Variants in HTR2C observed in about 807,000 individuals in gnomAD.
HTR2C encodes the protein 5-hydroxytryptamine (serotonin) receptor 2C, G protein-coupled.
A neutral mutation model predicts 21.0 loss-of-function variants in HTR2C; 5 were observed. The ratio of observed to expected loss-of-function variants is 0.24; its 90% CI spans 0.12 to 0.50. HTR2C has a LOEUF of 0.50. Among genes scored for constraint, HTR2C ranks in the 20% least tolerant of loss-of-function variants. The probability of loss-of-function intolerance (pLI) is 0.98; values close to 1 mark genes in which losing one functional copy is unlikely to be tolerated. For synonymous variants in HTR2C, 150 were observed against 145.3 expected, an observed-to-expected ratio of 1.03 and a Z score of -0.23; for missense variants, 271 against 371.2, an observed-to-expected ratio of 0.73 and a Z score of 2.22.
At position 114,644,362 on chromosome X, in the gene HTR2C, AATATATATATATATATATATATATAT is replaced by A. The variant is rs782451317; in HGVS notation, c.-80+30502_-80+30527del. 1.7e-3 allele frequency among the ~76,000 whole-genome samples: 65 copies of A among 38,254 alleles called. 2 individuals are homozygous for A. Among genetic ancestry groups the A allele is most frequent in the South Asian group, 0.015 (13 of 854 alleles). 33.2% of individuals were successfully genotyped at this position (38,254 alleles called of 115,157 possible). A position where few individuals can be genotyped will look rare whatever the true frequency, so the allele number is the denominator to read the frequency against. On this transcript the variant is annotated intron_variant, in intron 2 of 5. Transcript: ENST00000276198. ...TCCATCTAAAATAAATAAATAAATAAATATATATATATATATATATATATATATATATATATATATATATATTTCTG... is the reference window on the plus strand; with the variant it reads ...TCCATCTAAAATAAATAAATAAATAAATATATATATATATATATATTTCTG...
At chrX:114,870,360 G>A (rs782501674) in intron 5 of HTR2C, among the ~76,000 whole-genome samples, 5 of 111,096 alleles carry the variant, frequency 4.5e-5, no homozygotes, top group African/African-American at 1.6e-4. Flanking sequence ...AGGATTACAG[G>A]TGTGAGCCAC....
intron 2 of HTR2C, among the ~76,000 whole-genome samples, chrX:114,655,222 G>A (rs1179605359): frequency 1.8e-5 from 2 of 110,871 alleles, no homozygotes; most frequent in African/African-American, 6.5e-5. Context: ...ATGTATTTAG[G>A]TTAAGTAACA....
chrX:114,661,303 G>A, intron 2 of HTR2C, among the ~76,000 whole-genome samples: 1 of 110,436 alleles, frequency 9.1e-6, no homozygotes, highest in African/African-American at 3.3e-5. Context: ...AAATACCGCC[G>A]TGGTGGTGGG....
At chrX:114,757,791 G>A (rs1556430748) in intron 4 of HTR2C, among the ~76,000 whole-genome samples, 1 of 111,621 alleles carries the variant, frequency 9.0e-6, no homozygotes, top group Admixed American at 9.6e-5. Context: ...TCATTTTATT[G>A]TTTAACAAAA....
intron 2 of HTR2C, among the ~76,000 whole-genome samples, chrX:114,701,707 C>T (rs924947162): frequency 2.7e-4 from 30 of 112,361 alleles, no homozygotes; most frequent in Admixed American, 3.8e-4. Flanking sequence ...CAAAGCTGGA[C>T]GGAGAATGAC....
chrX:114,797,477 A>G (rs2070304320), intron 4 of HTR2C, among the ~76,000 whole-genome samples: 1 of 110,074 alleles, frequency 9.1e-6, no homozygotes, highest in Non-Finnish European at 1.9e-5. Context: ...CTGATTGGTC[A>G]ACACTGTGTC....
At chrX:114,607,699 T>G (rs1280383647) in intron 1 of HTR2C, among the ~76,000 whole-genome samples, 2 of 111,673 alleles carry the variant, frequency 1.8e-5, no homozygotes, top group Non-Finnish European at 3.8e-5. Context: ...TATTTTTAAA[T>G]TAAAATCTGA....
chrX:114,605,463 G>A (rs1556396512), intron 1 of HTR2C, among the ~76,000 whole-genome samples: 1 of 111,009 alleles, frequency 9.0e-6, no homozygotes, highest in Non-Finnish European at 1.9e-5. Flanking sequence ...AGGGAAAGAA[G>A]GAAGATTTGG....
chrX:114,810,941 T>G (rs1409487001), intron 4 of HTR2C, among the ~76,000 whole-genome samples: 2 of 111,310 alleles, frequency 1.8e-5, no homozygotes, highest in East Asian at 5.6e-4. Flanking sequence ...CTAAAATGTA[T>G]AGTTTCTGAT....
At chrX:114,624,049 C>A in intron 2 of HTR2C, among the ~76,000 whole-genome samples, 1 of 107,268 alleles carries the variant, frequency 9.3e-6, no homozygotes. Context: ...GCTGGGATGA[C>A]AAGCATGCAC....
At chrX:114,828,032 A>G (rs188531698) in intron 4 of HTR2C, among the ~76,000 whole-genome samples, 8 of 110,248 alleles carry the variant, frequency 7.3e-5, no homozygotes, top group Non-Finnish European at 1.3e-4. Context: ...TTCAAATAGT[A>G]TTTCTTCATC....
intron 2 of HTR2C, among the ~76,000 whole-genome samples, chrX:114,718,469 A>G (rs1933060641): frequency 1.8e-5 from 2 of 112,333 alleles, no homozygotes; most frequent in Admixed American, 9.5e-5. Context: ...ATAGGCATGA[A>G]TTAAATATAA....
At chrX:114,644,214 C>T (rs12832095) in intron 2 of HTR2C, among the ~76,000 whole-genome samples, 13,500 of 103,910 alleles carry the variant, frequency 0.13, 763 homozygotes, top group South Asian at 0.32. Context: ...GGCATGGTGG[C>T]GCACACCTGT....
intron 4 of HTR2C, among the ~76,000 whole-genome samples, chrX:114,779,257 A>G (rs970574893): frequency 4.5e-5 from 5 of 111,618 alleles, no homozygotes; most frequent in Admixed American, 2.9e-4. Flanking sequence ...TCTTTTGAAT[A>G]TATCTCTGAA....
chrX:114,781,623 C>T (rs1268500491), intron 4 of HTR2C, among the ~76,000 whole-genome samples: 10 of 109,291 alleles, frequency 9.1e-5, no homozygotes, highest in Admixed American at 6.9e-4. Flanking sequence ...GCCCCAGCCT[C>T]CTGAGTAGCT....
At chrX:114,646,480 T>C (rs1930364755) in intron 2 of HTR2C, among the ~76,000 whole-genome samples, 1 of 112,544 alleles carries the variant, frequency 8.9e-6, no homozygotes, top group Admixed American at 9.5e-5. Flanking sequence ...TTCTAAGATA[T>C]ATATGTTGCT....
intron 2 of HTR2C, among the ~76,000 whole-genome samples, chrX:114,654,699 G>A (rs1930719420): frequency 9.1e-6 from 1 of 110,331 alleles, no homozygotes; most frequent in Non-Finnish European, 1.9e-5. Context: ...ATTTTATTGG[G>A]AGAAGTAGGC....
chrX:114,683,877 CT>C (rs1556413879), intron 2 of HTR2C, among the ~76,000 whole-genome samples: 1 of 111,993 alleles, frequency 8.9e-6, no homozygotes, highest in African/African-American at 3.2e-5. Flanking sequence ...GAATGACTCT[CT>C]GTTCAAAATG....
chrX:114,703,645 A>T (rs1479900243), intron 2 of HTR2C, among the ~76,000 whole-genome samples: 1 of 111,618 alleles, frequency 9.0e-6, no homozygotes, highest in Non-Finnish European at 1.9e-5. Context: ...ATCACAATTA[A>T]AAGAACTAGA....
Sources: allele counts gnomAD v4.1 joint callset (sites outside exome capture counted in the v4.1 genomes callset), GRCh38; gene constraint gnomAD v4.1.1; transcripts MANE v1.5; gene names NCBI Gene and HGNC (gene_info 2026-07-23, HGNC 2026-07-21).